Variants in TSHZ2 observed in about 807,000 individuals in gnomAD.
The protein encoded by TSHZ2 is teashirt homolog 2.
A neutral mutation model predicts 74.4 loss-of-function variants in TSHZ2; 21 were observed. The observed-to-expected ratio is 0.28, with a 90% CI of 0.20 to 0.41. TSHZ2 has a LOEUF of 0.41. TSHZ2 is among the 10% of genes least tolerant of loss of function. TSHZ2 has a pLI of 1.00. For missense variants in TSHZ2, 1,244 were observed against 1,293.5 expected, an observed-to-expected ratio of 0.96 and a Z score of 0.59; for synonymous variants, 540 against 515.3, an observed-to-expected ratio of 1.05 and a Z score of -0.65.
intron 1 of TSHZ2, among the ~76,000 whole-genome samples, chr20:53,161,656 A>C (rs1385000006): frequency 5.3e-5 from 8 of 152,180 alleles, no homozygotes; most frequent in Non-Finnish European, 8.8e-5. Flanking sequence ...AACCCATCAG[A>C]TGTTGTGAGA....
At chr20:53,291,847 A>C (rs1991283993) in intron 2 of TSHZ2, among the ~76,000 whole-genome samples, 1 of 152,224 alleles carries the variant, frequency 6.6e-6, no homozygotes, top group Non-Finnish European at 1.5e-5. Context: ...CATTTGGTAC[A>C]TCAAGGCAAA....
intron 2 of TSHZ2, among the ~76,000 whole-genome samples, chr20:53,417,165 G>T (rs1983284541): frequency 6.6e-6 from 1 of 151,784 alleles, no homozygotes; most frequent in Non-Finnish European, 1.5e-5. Flanking sequence ...TCTAGAGAGA[G>T]AAACTGTAGG....
intron 2 of TSHZ2, among the ~76,000 whole-genome samples, chr20:53,310,183 T>C (rs1003851281): frequency 2.0e-5 from 3 of 152,208 alleles, no homozygotes; most frequent in African/African-American, 4.8e-5. Context: ...CAACGTTTCA[T>C]TTTAGAGATA....
chr20:53,272,362 C>T (rs1224585890), intron 2 of TSHZ2, among the ~76,000 whole-genome samples: 3 of 152,120 alleles, frequency 2.0e-5, no homozygotes, highest in Admixed American at 6.5e-5. Flanking sequence ...CAAGGTCGAC[C>T]TCCACCTCGA....
At chr20:53,288,838 G>A (rs1991224258) in intron 2 of TSHZ2, among the ~76,000 whole-genome samples, 2 of 152,032 alleles carry the variant, frequency 1.3e-5, no homozygotes, top group Non-Finnish European at 2.9e-5. Context: ...TAATTCAATG[G>A]TTTTGGGGAA....
At chr20:53,289,330 G>A (rs867994830) in intron 2 of TSHZ2, among the ~76,000 whole-genome samples, 7 of 152,146 alleles carry the variant, frequency 4.6e-5, no homozygotes, top group East Asian at 1.9e-4. Flanking sequence ...GGTAGATACC[G>A]AATAGTGGGA....
intron 2 of TSHZ2, among the ~76,000 whole-genome samples, chr20:53,267,396 C>T (rs936784190): frequency 6.6e-6 from 1 of 152,212 alleles, no homozygotes; most frequent in Non-Finnish European, 1.5e-5. Context: ...TCCAGTGATG[C>T]AGTTTCTTTT....
At position 53,255,589 on chromosome 20, in the gene TSHZ2, G is replaced by A. The variant is rs1325044219; in HGVS notation, c.2131G>A (p.Glu711Lys). The change falls in exon 2 of 3, where the codon GAG becomes AAG. Residue 711 changes from glutamate (E) to lysine (K), a missense_variant. Coordinates refer to ENST00000371497, the MANE Select transcript of TSHZ2 (RefSeq NM_173485.6). This position sits in a 1 kb window ranked among gnomAD's most constrained non-coding sequence, Gnocchi z 4.1. ...GAACAATCACTTGGGCAAAGCCACG[G>A]AGCCCTTGCGCTCACCTTCCTGCTC... Reference protein sequence around the residue: ...VLNNHLGKATEPLRSPSCSSP... With the variant: ...VLNNHLGKATKPLRSPSCSSP... The A allele has an allele frequency of 6.3e-7, 1 of 1,582,870 alleles. No individual in the cohort carries two copies. Among genetic ancestry groups the A allele is most frequent in the Non-Finnish European group, 8.6e-7 (1 of 1,165,222 alleles).
chr20:53,152,150 C>T (rs1262267807), intron 1 of TSHZ2, among the ~76,000 whole-genome samples: 2 of 152,136 alleles, frequency 1.3e-5, no homozygotes, highest in Non-Finnish European at 1.5e-5. Flanking sequence ...AGGATGCATC[C>T]TCCATTCTTC....
intron 1 of TSHZ2, among the ~76,000 whole-genome samples, chr20:53,116,080 G>A (rs1415264834): frequency 1.3e-5 from 2 of 152,124 alleles, no homozygotes; most frequent in Non-Finnish European, 1.5e-5. Context: ...AGTTAGCTCT[G>A]TAATCTTTCT....
intron 1 of TSHZ2, among the ~76,000 whole-genome samples, chr20:52,996,853 T>G (rs1037986251): frequency 1.3e-5 from 2 of 152,170 alleles, no homozygotes; most frequent in African/African-American, 4.8e-5. Context: ...GTTGATTTAG[T>G]CCAATGCATA....
intron 1 of TSHZ2, among the ~76,000 whole-genome samples, chr20:53,247,219 A>G (rs1990229633): frequency 1.3e-5 from 2 of 152,212 alleles, no homozygotes; most frequent in South Asian, 2.1e-4. Context: ...TAAATGTCAC[A>G]TTTCTTTTTG....
intron 2 of TSHZ2, among the ~76,000 whole-genome samples, chr20:53,336,035 G>A (rs770395039): frequency 6.6e-6 from 1 of 152,156 alleles, no homozygotes; most frequent in Non-Finnish European, 1.5e-5. Context: ...CATTAAGCTT[G>A]GCAAGTGGAT....
intron 1 of TSHZ2, among the ~76,000 whole-genome samples, chr20:53,242,047 C>A (rs1480159607): frequency 6.6e-6 from 1 of 152,166 alleles, no homozygotes; most frequent in African/African-American, 2.4e-5. Context: ...CAGACCCTTG[C>A]TTCATTGACA....
intron 2 of TSHZ2, among the ~76,000 whole-genome samples, chr20:53,391,494 C>T (rs381370): frequency 0.43 from 63,854 of 147,982 alleles, 16,138 homozygotes; most frequent in Non-Finnish European, 0.58. Context: ...TTTTTTTTTA[C>T]AATCACAGCT....
At position 53,153,101 on chromosome 20, in the gene TSHZ2, C is replaced by T. The variant is rs182495682; in HGVS notation, c.41-100398C>T. Among the ~76,000 whole-genome samples the T allele has an allele frequency of 7.2e-4, 110 of 152,342 alleles. 1 individual carries two copies. The highest frequency in any genetic ancestry group is 3.1e-3 in the Admixed American group (48 of 15,306). On this transcript the variant is annotated intron_variant, in intron 1 of 2. Coordinates refer to ENST00000371497, the MANE Select transcript of TSHZ2 (RefSeq NM_173485.6). ...TTTTCAAAAATGAAATCACCCATAA[C>T]ACAATCAGGACATCCTATGCAGCCG... is the stretch of plus-strand genomic sequence containing the variant.
chr20:53,262,158 C>A (rs894106881), intron 2 of TSHZ2, among the ~76,000 whole-genome samples: 8 of 151,880 alleles, frequency 5.3e-5, no homozygotes, highest in Non-Finnish European at 1.0e-4. Context: ...AACCTGCCAC[C>A]AAACAAACAG....
intron 2 of TSHZ2, chr20:53,421,797 C>G (rs1451539146): frequency 6.8e-6 from 1 of 147,222 alleles, no homozygotes; most frequent in Non-Finnish European, 1.5e-5. Context: ...ATTCTCCTGT[C>G]TCAGCCTCCC....
At chr20:53,111,953 C>T (rs774924481) in intron 1 of TSHZ2, among the ~76,000 whole-genome samples, 7 of 152,178 alleles carry the variant, frequency 4.6e-5, no homozygotes, top group Non-Finnish European at 1.0e-4. Flanking sequence ...TTGGTGCTGC[C>T]ACCGCCTTGC....
Sources: gnomAD v4.1 joint callset for allele counts (sites outside exome capture counted in the v4.1 genomes callset) on GRCh38, gnomAD v4.1.1 for gene constraint, Gnocchi (gnomAD v3.1) non-coding constraint, MANE v1.5 for transcripts, NCBI Gene and HGNC (gene_info 2026-07-23, HGNC 2026-07-21) for gene names.